Variants in ERICH1 observed in about 807,000 individuals in gnomAD.
ERICH1 encodes the protein glutamate-rich protein 1.
A neutral mutation model predicts 39.6 loss-of-function variants in ERICH1; 56 were observed. That is an observed-to-expected ratio of 1.41 (90% CI 1.14 to 1.77). ERICH1 has a LOEUF of 1.77. ERICH1 is among the 40% of genes most tolerant of loss of function. ERICH1 has a pLI of 0.00. For missense variants in ERICH1, 826 were observed against 575.4 expected (o/e 1.44, Z -4.45); for synonymous variants, 313 against 223.6 (o/e 1.40, Z -3.57).
Position 681,560 on chromosome 8 carries a change from C to T in ERICH1, c.305-7513G>A, listed in dbSNP as rs531063696. ...ACAAAACGCAAGCAGGATTGCAAAG[C>T]AGTGCCCTCCACCTAACATAGACAG... On this transcript the variant is annotated intron_variant, in intron 3 of 5. Coordinates refer to ENST00000262109, the MANE Select transcript of ERICH1 (RefSeq NM_207332.3). 2.0e-5 allele frequency among the ~76,000 whole-genome samples: 3 copies of T among 152,328 alleles called. No individual in the cohort carries two copies. In the South Asian group the frequency reaches 6.2e-4, roughly 32 times the overall value.
chr8:679,610 T>C (rs906558517), intron 3 of ERICH1, among the ~76,000 whole-genome samples: 3 of 152,240 alleles, frequency 2.0e-5, no homozygotes, highest in African/African-American at 4.8e-5. Context: ...TCATGTAAAG[T>C]GTATGATAAA....
intron 2 of ERICH1, among the ~76,000 whole-genome samples, chr8:704,667 G>A (rs535136350): frequency 6.6e-6 from 1 of 152,020 alleles, no homozygotes; most frequent in Non-Finnish European, 1.5e-5. Context: ...TAAAAAATGT[G>A]CATCCATGGT....
chr8:635,536 A>G (rs1798360731), intron 3 of ERICH1, among the ~76,000 whole-genome samples: 2 of 152,180 alleles, frequency 1.3e-5, no homozygotes, highest in Admixed American at 1.3e-4. Flanking sequence ...AGCCCAGATC[A>G]CAGCCCGCAG....
chr8:696,899 C>T (rs1810436468), intron 2 of ERICH1, among the ~76,000 whole-genome samples: 1 of 148,304 alleles, frequency 6.7e-6, no homozygotes, highest in African/African-American at 2.5e-5. Flanking sequence ...TCACACCCTC[C>T]CTCTCCTTCC....
downstream of ERICH1, among the ~76,000 whole-genome samples, chr8:660,549 C>T (rs1169100553): frequency 6.6e-6 from 1 of 152,246 alleles, no homozygotes; most frequent in Non-Finnish European, 1.5e-5. Context: ...CACAGAGGTC[C>T]CAGCCCGGGC....
intron 4 of ERICH1, 133 bp from the exon 5 acceptor site, chr8:668,925 G>T (rs2131819473): frequency 1.3e-6 from 1 of 781,302 alleles, no homozygotes; most frequent in Non-Finnish European, 2.0e-6. Flanking sequence ...GAGATGAGAA[G>T]CTACCAGAAG....
At chr8:643,783 C>T (rs143079940) in intron 3 of ERICH1, among the ~76,000 whole-genome samples, 128 of 152,234 alleles carry the variant, frequency 8.4e-4, no homozygotes, top group Middle Eastern at 3.4e-3. Flanking sequence ...GGCGCAACTT[C>T]CTTTTGTCTC....
At chr8:677,935 C>A (rs1805232509) in intron 3 of ERICH1, among the ~76,000 whole-genome samples, 1 of 152,118 alleles carries the variant, frequency 6.6e-6, no homozygotes, top group African/African-American at 2.4e-5. Context: ...TCGCCAGTGT[C>A]GTACCCCGGG....
intron 3 of ERICH1, among the ~76,000 whole-genome samples, chr8:654,694 C>T (rs1340914134): frequency 6.6e-6 from 1 of 152,174 alleles, no homozygotes; most frequent in African/African-American, 2.4e-5. Context: ...CCCGAGGCCA[C>T]CACAGTGACA....
chr8:672,552 A>T (rs1803676034), intron 4 of ERICH1, among the ~76,000 whole-genome samples: 1 of 152,224 alleles, frequency 6.6e-6, no homozygotes, highest in South Asian at 2.1e-4. Flanking sequence ...ACCTGCTGGT[A>T]ACGTCATTGA....
At chr8:679,554 G>A (rs1241306828) in intron 3 of ERICH1, among the ~76,000 whole-genome samples, 1 of 152,188 alleles carries the variant, frequency 6.6e-6, no homozygotes, top group Non-Finnish European at 1.5e-5. Context: ...TCTCTCCCGT[G>A]GATGCTGCTA....
chr8:673,663 C>T lies in ERICH1; in HGVS notation c.689G>A (p.Arg230Lys). The change falls in exon 4 of 6, where the codon AGG becomes AAG. Residue 230 changes from arginine (R) to lysine (K), a missense_variant. Physicochemically the swap from Arg to Lys is conservative, Grantham distance 26 (BLOSUM62 2). Transcript: ENST00000262109. ...GCTAGCGTCCGCACCATCTTCCTCCCTGGTATCTTTAACGTCTTCCTCCCC... is the reference window on the plus strand; with the variant it reads ...GCTAGCGTCCGCACCATCTTCCTCCTTGGTATCTTTAACGTCTTCCTCCCC... The part of the protein sequence containing the change: ...LAGEEDVKDT[R>K]EEDGADASEE... The T allele has an allele frequency of 5.6e-6, 9 of 1,612,896 alleles. No homozygotes were observed. The highest frequency in any genetic ancestry group is 1.3e-5 in the African/African-American group (1 of 74,736).
chr8:626,700 T>A (rs1797610804), intron 3 of ERICH1: 1 of 172,872 alleles, frequency 5.8e-6, no homozygotes, highest in Admixed American at 5.4e-5. Flanking sequence ...TAGAGGGTGT[T>A]CCAGCTGGCG....
intron 3 of ERICH1, among the ~76,000 whole-genome samples, chr8:657,378 G>C (rs1157122799): frequency 6.6e-6 from 1 of 151,990 alleles, no homozygotes; most frequent in African/African-American, 2.4e-5. Context: ...TCTCTGGTCG[G>C]AAGGGAGGTT....
At chr8:636,388 C>T (rs1212996747) in intron 3 of ERICH1, among the ~76,000 whole-genome samples, 2 of 152,250 alleles carry the variant, frequency 1.3e-5, no homozygotes, top group African/African-American at 2.4e-5. Context: ...CTTCTGGTCA[C>T]GGGATGCCTT....
downstream of ERICH1, among the ~76,000 whole-genome samples, chr8:660,877 G>A (rs778344356): frequency 2.6e-5 from 4 of 151,998 alleles, no homozygotes; most frequent in East Asian, 1.9e-4. Flanking sequence ...GGTGGTTCTC[G>A]GGCAGGCTCC....
chr8:655,176 G>A (rs958531079), intron 3 of ERICH1, among the ~76,000 whole-genome samples: 44 of 152,334 alleles, frequency 2.9e-4, no homozygotes, highest in African/African-American at 1.0e-3. Context: ...GAGCAGCCGC[G>A]TTTGATTTTG....
chr8:681,830 C>CT (rs1806193901), intron 3 of ERICH1, among the ~76,000 whole-genome samples: 1 of 152,170 alleles, frequency 6.6e-6, no homozygotes, highest in African/African-American at 2.4e-5. Context: ...TGAGGCCCAC[C>CT]TGTGCGCTTC....
At chr8:632,296 C>T (rs1314988646) in intron 3 of ERICH1, among the ~76,000 whole-genome samples, 2 of 151,642 alleles carry the variant, frequency 1.3e-5, no homozygotes, top group African/African-American at 2.4e-5. Flanking sequence ...TTGCTTTCAT[C>T]CAGTCTTGCT....
Sources: gnomAD v4.1 joint callset for allele counts (sites outside exome capture counted in the v4.1 genomes callset) on GRCh38, gnomAD v4.1.1 for gene constraint, MANE v1.5 for transcripts, NCBI Gene and HGNC (gene_info 2026-07-23, HGNC 2026-07-21) for gene names.